The following SYT16 variants were observed in gnomAD, a reference collection of about 807,000 sequenced individuals.
The protein encoded by SYT16 is synaptotagmin 16, also known as synaptotagmin-16.
A neutral mutation model predicts 61.4 loss-of-function variants in SYT16; 42 were observed. The ratio of observed to expected loss-of-function variants is 0.68; its 90% CI spans 0.53 to 0.89. The LOEUF is 0.89. Ranked by LOEUF, SYT16 falls within the 40% of genes least tolerant of loss-of-function variation. The pLI, the probability that SYT16 is intolerant of heterozygous loss-of-function variation, is 0.00. For missense variants in SYT16, 804 were observed against 807.3 expected, an observed-to-expected ratio of 1.00 and a Z score of 0.05; for synonymous variants, 314 against 302.3, an observed-to-expected ratio of 1.04 and a Z score of -0.40.
chr14:62,020,263 A>G (rs896447938), intron 3 of SYT16, among the ~76,000 whole-genome samples: 2 of 152,192 alleles, frequency 1.3e-5, no homozygotes, highest in African/African-American at 4.8e-5. Flanking sequence ...GAATTTTTTC[A>G]CCTCAATAGT....
At chr14:62,059,771 TACACATACAC>T (rs1334658996) in intron 3 of SYT16, among the ~76,000 whole-genome samples, 1 of 102,194 alleles carries the variant, frequency 9.8e-6, no homozygotes. Flanking sequence ...TGTATATGTA[TACACATACAC>T]ACACACACAC....
intron 1 of SYT16, among the ~76,000 whole-genome samples, chr14:61,918,634 C>T (rs2049210524): frequency 6.6e-6 from 1 of 151,490 alleles, no homozygotes; most frequent in Non-Finnish European, 1.5e-5. Flanking sequence ...AGTATGATTC[C>T]ACTTTTAAAA....
intron 3 of SYT16, among the ~76,000 whole-genome samples, chr14:62,024,869 A>G (rs1284586511): frequency 6.6e-6 from 1 of 152,100 alleles, no homozygotes; most frequent in African/African-American, 2.4e-5. Flanking sequence ...AGAATGTTAT[A>G]TAGTTGGACT....
At chr14:61,889,400 AT>A (rs555689728) in intron 1 of SYT16, among the ~76,000 whole-genome samples, 158 of 152,282 alleles carry the variant, frequency 1.0e-3, no homozygotes, top group Non-Finnish European at 1.8e-3. Context: ...CCTAAACCTC[AT>A]GTTGAAATCT....
chr14:61,866,512 C>T (rs939881092), intron 1 of SYT16, among the ~76,000 whole-genome samples: 2 of 151,964 alleles, frequency 1.3e-5, no homozygotes, highest in Non-Finnish European at 2.9e-5. Flanking sequence ...TGCATTTTTC[C>T]AATGACTAAT....
chr14:62,056,651 G>C (rs192405720), intron 3 of SYT16, among the ~76,000 whole-genome samples: 1 of 152,294 alleles, frequency 6.6e-6, no homozygotes, highest in East Asian at 1.9e-4. Flanking sequence ...TAAGAAACGG[G>C]TTTCTCTCTG....
chr14:61,901,202 T>C (rs2048502178), intron 1 of SYT16, among the ~76,000 whole-genome samples: 1 of 152,236 alleles, frequency 6.6e-6, no homozygotes, highest in Non-Finnish European at 1.5e-5. Flanking sequence ...ATGAATCTCT[T>C]CCTGTGTGCT....
At chr14:61,840,492 T>G (rs2046271336) in intron 1 of SYT16, among the ~76,000 whole-genome samples, 1 of 152,152 alleles carries the variant, frequency 6.6e-6, no homozygotes, top group Non-Finnish European at 1.5e-5. Context: ...CAGGAAAGAA[T>G]AGCCAGAGTT....
rs1314651262 is a variant in SYT16, at chr14:61,921,079, T to C, written c.-324-49053T>C. On this transcript the variant is annotated intron_variant, in intron 1 of 7. Coordinates refer to ENST00000683842, the MANE Select transcript of SYT16 (RefSeq NM_001367656.1). ...CACTTCCAGCTTGGTAGTTTACATG[T>C]ACTGATTAAACTTAGATTTGTCTCT... 2.6e-5 allele frequency among the ~76,000 whole-genome samples: 4 copies of C among 152,370 alleles called. No individual in the cohort carries two copies. In the East Asian group the frequency reaches 7.7e-4, roughly 29 times the overall value.
At chr14:62,016,164 A>G (rs1427147819) in intron 3 of SYT16, among the ~76,000 whole-genome samples, 1 of 152,202 alleles carries the variant, frequency 6.6e-6, no homozygotes, top group Non-Finnish European at 1.5e-5. Flanking sequence ...AGGGAGCAGT[A>G]ACTCTTCTCT....
intron 1 of SYT16, among the ~76,000 whole-genome samples, chr14:61,901,793 G>T (rs1266659179): frequency 6.7e-6 from 1 of 150,086 alleles, no homozygotes; most frequent in African/African-American, 2.5e-5. Flanking sequence ...TTGGAGTCTT[G>T]CTCTGTCGCC....
At chr14:61,943,618 C>G (rs1441044344) in intron 1 of SYT16, among the ~76,000 whole-genome samples, 1 of 152,292 alleles carries the variant, frequency 6.6e-6, no homozygotes, top group East Asian at 1.9e-4. Flanking sequence ...ATAAACAGAA[C>G]TAGTGACAAA....
chr14:61,865,532 C>G (rs1015321744), intron 1 of SYT16, among the ~76,000 whole-genome samples: 6 of 152,184 alleles, frequency 3.9e-5, no homozygotes, highest in Non-Finnish European at 8.8e-5. Context: ...AACGGTGGAA[C>G]ATTTCCACAG....
intron 1 of SYT16, among the ~76,000 whole-genome samples, chr14:61,902,653 A>G (rs1024625236): frequency 6.6e-6 from 1 of 152,182 alleles, no homozygotes; most frequent in Admixed American, 6.5e-5. Flanking sequence ...TGCTTGTTGT[A>G]TCAGTCCATT....
rs140486893 is a variant in SYT16, at chr14:62,106,445, T to G, written c.*5738T>G. 28 of 152,276 alleles carry G rather than the reference T, an allele frequency of 1.8e-4. No homozygotes were observed. Among genetic ancestry groups the G allele is most frequent in the Non-Finnish European group, 3.8e-4 (26 of 68,018 alleles). 9.4% of individuals were successfully genotyped at this position (152,276 alleles called of 1,614,324 possible). On this transcript the variant is annotated 3_prime_UTR_variant, in exon 8 of 8. Transcript: ENST00000683842. ...ATGGGGGTGTCATAGAATCATCATC[T>G]TTGGAAGTTTTTTAAAATAGAAAAA...
chr14:61,881,432 T>G (rs2047694027), intron 1 of SYT16, among the ~76,000 whole-genome samples: 1 of 152,256 alleles, frequency 6.6e-6, no homozygotes, highest in Non-Finnish European at 1.5e-5. Flanking sequence ...GCAGCTCTTG[T>G]CATGATACCA....
At chr14:61,950,797 C>CT (rs144170227) in intron 1 of SYT16, among the ~76,000 whole-genome samples, 9 of 152,054 alleles carry the variant, frequency 5.9e-5, no homozygotes, top group Non-Finnish European at 1.5e-5. Context: ...TTTATGGTGT[C>CT]TTTTTTTGTA....
At chr14:61,974,476 A>G (rs942756228) in intron 2 of SYT16, among the ~76,000 whole-genome samples, 2 of 152,176 alleles carry the variant, frequency 1.3e-5, no homozygotes, top group Non-Finnish European at 2.9e-5. Context: ...TGCAAATTAT[A>G]TAGCTTGTGC....
At chr14:61,972,255 G>C (rs924594345) in intron 2 of SYT16, among the ~76,000 whole-genome samples, 9 of 152,312 alleles carry the variant, frequency 5.9e-5, no homozygotes, top group Middle Eastern at 3.4e-3. Flanking sequence ...TAAAGTTGGT[G>C]ATGTTTTCTC....
Sources: allele counts gnomAD v4.1 joint callset (sites outside exome capture counted in the v4.1 genomes callset), GRCh38; gene constraint gnomAD v4.1.1; transcripts MANE v1.5; gene names NCBI Gene and HGNC (gene_info 2026-07-23, HGNC 2026-07-21).